PTER: variants seen among roughly 807,000 people sequenced by gnomAD.
PTER encodes N-acetyltaurine hydrolase.
A neutral mutation model predicts 29.6 loss-of-function variants in PTER; 38 were observed. The observed-to-expected ratio is 1.28, with a 90% confidence interval of 0.99 to 1.68. The LOEUF (loss-of-function observed/expected upper bound fraction) is 1.68. Among genes scored for constraint, PTER ranks in the 40% most tolerant of loss-of-function variants. The pLI, the probability that PTER is intolerant of heterozygous loss-of-function variation, is 0.00. For missense variants in PTER, 482 were observed against 427.8 expected (o/e 1.13, Z -1.12); for synonymous variants, 172 against 154.5 (o/e 1.11, Z -0.84).
intron 1 of PTER, among the ~76,000 whole-genome samples, chr10:16,460,216 G>T (rs1834562454): frequency 6.6e-6 from 1 of 152,184 alleles, no homozygotes; most frequent in African/African-American, 2.4e-5. Flanking sequence ...CTGGTCCTGG[G>T]TTAGCATAGC....
At chr10:16,515,686 C>T (rs1430335397), downstream of PTER, among the ~76,000 whole-genome samples, 2 of 152,116 alleles carry the variant, frequency 1.3e-5, no homozygotes, top group East Asian at 3.9e-4. Context: ...ATCCTTAGCT[C>T]AAATTAGGCT....
intron 1 of PTER, among the ~76,000 whole-genome samples, chr10:16,470,708 C>T (rs964507676): frequency 6.6e-6 from 1 of 152,106 alleles, no homozygotes; most frequent in South Asian, 2.1e-4. Context: ...GTGGAGGTTG[C>T]AGTGAGCCAA....
Position 16,445,366 on chromosome 10 carries a change from C to T in PTER, c.-49+8319C>T, listed in dbSNP as rs530471483. 1.6e-3 allele frequency among the ~76,000 whole-genome samples: 245 copies of T among 152,256 alleles called. 1 individual carries two copies. Among genetic ancestry groups the T allele is most frequent in the African/African-American group, 5.3e-3 (222 of 41,548 alleles). ...GGCGAAGGTTGCAGTGAGCCTAGATCGTGCCACTGCACTCTAGCCTGGGCG... is the reference window on the plus strand; with the variant it reads ...GGCGAAGGTTGCAGTGAGCCTAGATTGTGCCACTGCACTCTAGCCTGGGCG... On this transcript the variant is annotated intron_variant, in intron 1 of 4. Transcript: ENST00000535784.
intron 1 of PTER, among the ~76,000 whole-genome samples, chr10:16,444,229 G>A (rs573535233): frequency 7.4e-4 from 112 of 152,104 alleles, no homozygotes; most frequent in African/African-American, 2.6e-3. Context: ...CTCTTGACTC[G>A]TGATCTACCC....
At chr10:16,467,936 G>T (rs1834900854) in intron 1 of PTER, among the ~76,000 whole-genome samples, 1 of 152,172 alleles carries the variant, frequency 6.6e-6, no homozygotes, top group South Asian at 2.1e-4. Flanking sequence ...CATTTTCCAT[G>T]CTTTTTAATA....
At chr10:16,505,190 C>G (rs774040739) in intron 4 of PTER, 30 bp downstream of exon 4, 4 of 1,610,404 alleles carry the variant, frequency 2.5e-6, no homozygotes, top group Non-Finnish European at 2.5e-6. Context: ...TCATAGCATT[C>G]CCTTTCCCTA....
At chr10:16,487,680 GTTAA>G (rs1309709820) in intron 3 of PTER, among the ~76,000 whole-genome samples, 1 of 152,152 alleles carries the variant, frequency 6.6e-6, no homozygotes, top group East Asian at 1.9e-4. Flanking sequence ...GCCAGCTGCT[GTTAA>G]TTTTATGAAC....
rs953789413 is a variant in PTER at position 16,458,695 on chromosome 10, G to A, written c.-49+21648G>A. On this transcript the variant is annotated intron_variant, in intron 1 of 4. Transcript: ENST00000535784. ...GCTTAGAAGTATCTAGAAACCATTT[G>A]CAACTCTGCCCTTTAGTATTTACTG... Among the ~76,000 whole-genome samples the A allele has an allele frequency of 1.8e-4, 27 of 152,168 alleles. 1 individual carries two copies. Among genetic ancestry groups the A allele is most frequent in the Non-Finnish European group, 4.4e-5 (3 of 68,036 alleles).
At chr10:16,493,114 A>C (rs1423959729) in intron 3 of PTER, among the ~76,000 whole-genome samples, 1 of 152,228 alleles carries the variant, frequency 6.6e-6, no homozygotes, top group African/African-American at 2.4e-5. Flanking sequence ...CTGCCTTCAA[A>C]GTCATTATTT....
At chr10:16,491,488 G>C (rs1034141380) in intron 3 of PTER, among the ~76,000 whole-genome samples, 3 of 152,022 alleles carry the variant, frequency 2.0e-5, no homozygotes, top group African/African-American at 7.3e-5. Flanking sequence ...AAAGGCCAAG[G>C]ACTTCAGCTT....
At chr10:16,440,519 C>A (rs1833810966) in intron 1 of PTER, among the ~76,000 whole-genome samples, 2 of 152,186 alleles carry the variant, frequency 1.3e-5, no homozygotes, top group African/African-American at 4.8e-5. Context: ...AGTACAAATA[C>A]CTCTGTGCCT....
chr10:16,472,903 C>T (rs973637763), intron 1 of PTER, among the ~76,000 whole-genome samples: 1 of 151,964 alleles, frequency 6.6e-6, no homozygotes, highest in African/African-American at 2.4e-5. Context: ...AACATTTAAA[C>T]CAGACTTCAT....
intron 3 of PTER, chr10:16,486,881 A>G (rs1835723144): frequency 1.3e-5 from 5 of 380,520 alleles, no homozygotes; most frequent in African/African-American, 2.0e-5. Context: ...AATTTACTCA[A>G]TCCTTTATAA....
chr10:16,443,230 G>A lies in PTER; in HGVS notation c.-49+6183G>A, dbSNP rs530913975. 2.8e-3 allele frequency among the ~76,000 whole-genome samples: 421 copies of A among 152,296 alleles called. 2 individuals are homozygous for A. The highest frequency in any genetic ancestry group is 9.0e-3 in the African/African-American group (375 of 41,556). On this transcript the variant is annotated intron_variant, in intron 1 of 4. Transcript: ENST00000535784. The stretch of plus-strand genomic sequence containing the variant: ...CTCTCTCTTTGGCTTGTGGATGGCC[G>A]TCTTCCCTTTTATGCATGTCTGGGT...
At chr10:16,443,183 C>T (rs1256560935) in intron 1 of PTER, among the ~76,000 whole-genome samples, 1 of 152,180 alleles carries the variant, frequency 6.6e-6, no homozygotes, top group Non-Finnish European at 1.5e-5. Context: ...AAGGTGTCAG[C>T]AGTGTTGGCC....
At chr10:16,448,550 C>T in intron 1 of PTER, among the ~76,000 whole-genome samples, 1 of 152,134 alleles carries the variant, frequency 6.6e-6, no homozygotes, top group Non-Finnish European at 1.5e-5. Context: ...ACCGCTGGAC[C>T]CCTGGACATT....
intron 1 of PTER, among the ~76,000 whole-genome samples, chr10:16,461,854 G>A (rs76673154): frequency 6.6e-6 from 1 of 151,934 alleles, no homozygotes; most frequent in South Asian, 2.1e-4. Flanking sequence ...TTCATTATAT[G>A]CATTTCCATT....
In PTER at chr10:16,438,231, C is replaced by T. The variant is rs187351953; in HGVS notation, c.-49+1184C>T. Among the ~76,000 whole-genome samples the T allele has an allele frequency of 1.7e-4, 26 of 152,128 alleles. No homozygotes were observed. The East Asian group carries it at 4.5e-3, about 26-fold the overall frequency. On this transcript the variant is annotated intron_variant, in intron 1 of 4. Transcript: ENST00000535784. ...ATACTGGCCAGGCTGATCTCGAACT[C>T]CTGACCTTGTGATTCACCCACCTCG... is the stretch of plus-strand genomic sequence containing the variant.
At chr10:16,510,961 T>C (rs1393456533) in intron 4 of PTER, 85 bp from the exon 5 acceptor site, 3 of 1,111,984 alleles carry the variant, frequency 2.7e-6, no homozygotes, top group Middle Eastern at 2.0e-4. Context: ...ACAAGCACAA[T>C]AGGTTAATGA....
Sources: allele counts gnomAD v4.1 joint callset (sites outside exome capture counted in the v4.1 genomes callset), GRCh38; gene constraint gnomAD v4.1.1; transcripts MANE v1.5; gene names NCBI Gene and HGNC (gene_info 2026-07-23, HGNC 2026-07-21).